NFX1: variants seen among roughly 807,000 people sequenced by gnomAD.
The protein encoded by NFX1 is transcriptional repressor NF-X1.
Under a neutral mutation model 137.2 loss-of-function variants are expected in NFX1, and 69 were observed. The observed-to-expected ratio is 0.50, with a 90% CI of 0.41 to 0.61. The LOEUF is 0.61. Ranked by LOEUF, NFX1 falls within the 20% of genes least tolerant of loss-of-function variation. The probability of loss-of-function intolerance (pLI) is 0.00; values close to 1 mark genes in which losing one functional copy is unlikely to be tolerated. For missense variants in NFX1, 1,167 were observed against 1,391.0 expected, an observed-to-expected ratio of 0.84 and a Z score of 2.56; for synonymous variants, 495 against 474.1, an observed-to-expected ratio of 1.04 and a Z score of -0.57.
intron 7 of NFX1, among the ~76,000 whole-genome samples, chr9:33,316,905 C>G (rs543099388): frequency 2.0e-5 from 3 of 152,220 alleles, no homozygotes; most frequent in African/African-American, 7.2e-5. Context: ...ACCCTTGATT[C>G]TTTTGCTCAC....
intron 9 of NFX1, among the ~76,000 whole-genome samples, chr9:33,321,484 GAGACTGGA>G (rs375996194): frequency 0.069 from 10,554 of 152,196 alleles, 458 homozygotes; most frequent in Non-Finnish European, 0.11. Context: ...TTCAGTATAA[GAGACTGGA>G]TAGAGTTCTA....
intron 2 of NFX1, among the ~76,000 whole-genome samples, chr9:33,300,585 G>A (rs1312961173): frequency 6.6e-6 from 1 of 152,156 alleles, no homozygotes; most frequent in African/African-American, 2.4e-5. Flanking sequence ...GAAAGACTTT[G>A]CTGCAATTGT....
chr9:33,334,670 A>G (rs1363822576), intron 11 of NFX1, among the ~76,000 whole-genome samples: 1 of 152,224 alleles, frequency 6.6e-6, no homozygotes, highest in Non-Finnish European at 1.5e-5. Flanking sequence ...TATACTAAAG[A>G]TACTGTCTGC....
rs1304477108 is a variant in NFX1, at chr9:33,295,252, C to G, written c.858C>G (p.Leu286=). 1.9e-6 allele frequency: 3 copies of G among 1,614,018 alleles called. No homozygotes were observed. The highest frequency in any genetic ancestry group is 2.5e-6 in the Non-Finnish European group (3 of 1,180,016). The change falls in exon 2 of 24, where the codon CTC becomes CTG. Residue 286 remains leucine (L), a synonymous_variant. Transcript: ENST00000379540. Reference sequence around the variant, plus strand: ...TGGGCCCCATTCCAAAGGATGACCTCAATGAAAGACCAGCAAAATCTACCT... The same window carrying G: ...TGGGCCCCATTCCAAAGGATGACCTGAATGAAAGACCAGCAAAATCTACCT... ...NNMGPIPKDD[L]NERPAKSTCD...
intron 6 of NFX1, 30 bp downstream of exon 6, chr9:33,311,207 C>A: frequency 6.3e-7 from 1 of 1,587,194 alleles, no homozygotes; most frequent in Non-Finnish European, 8.7e-7. Flanking sequence ...CTAAAGAAGA[C>A]CTCAGTTTTC....
chr9:33,300,470 A>G (rs1188792762), intron 2 of NFX1, among the ~76,000 whole-genome samples: 1 of 152,218 alleles, frequency 6.6e-6, no homozygotes, highest in Non-Finnish European at 1.5e-5. Context: ...AAAGCAAATA[A>G]CAATAATATT....
intron 2 of NFX1, among the ~76,000 whole-genome samples, chr9:33,299,132 A>G (rs1821461355): frequency 6.6e-6 from 1 of 152,252 alleles, no homozygotes; most frequent in South Asian, 2.1e-4. Context: ...AACTTCCTCT[A>G]ATGTTAACGT....
At chr9:33,317,460 G>A (rs75179301) in intron 7 of NFX1, among the ~76,000 whole-genome samples, 2 of 147,092 alleles carry the variant, frequency 1.4e-5, no homozygotes, top group Admixed American at 1.4e-4. Context: ...AAAAGAAATT[G>A]CACATGCACT....
At chr9:33,329,262 C>T (rs1210294340) in intron 10 of NFX1, among the ~76,000 whole-genome samples, 4 of 152,156 alleles carry the variant, frequency 2.6e-5, no homozygotes, top group Non-Finnish European at 5.9e-5. Context: ...ATATTGCCAA[C>T]CAGGAAAGTT....
chr9:33,302,606 GCCT>G (rs1313841090), intron 3 of NFX1, among the ~76,000 whole-genome samples: 1 of 151,004 alleles, frequency 6.6e-6, no homozygotes, highest in Non-Finnish European at 1.5e-5. Flanking sequence ...TTCTGCATCA[GCCT>G]CCTAAAATGC....
At position 33,313,664 on chromosome 9, in the gene NFX1, C is replaced by T. The variant is rs148815959; in HGVS notation, c.1459C>T (p.Arg487Cys). The T allele has an allele frequency of 2.4e-4, 392 of 1,613,904 alleles. No individual in the cohort carries two copies. Among genetic ancestry groups the T allele is most frequent in the Non-Finnish European group, 8.1e-5 (95 of 1,179,960 alleles). The change falls in exon 7 of 24, where the codon CGC (arginine) becomes TGC (cysteine). Residue 487 changes from arginine to cysteine, a missense_variant. Physicochemically the swap from Arg to Cys is radical, Grantham distance 180 (BLOSUM62 -3). Around this residue, in one of 3 missense-constraint regions of NFX1, gnomAD observed 488 missense variants for 691.5 expected, o/e 0.71. Coordinates refer to ENST00000379540, the MANE Select transcript of NFX1 (RefSeq NM_002504.6). ...CTATTGTCTTTACAGGCACACAGTT[C>T]GCTGTGGTCAGGCTGTCTCAGTCCA... The part of the protein sequence containing the change: ...CECGRTRHTV[R>C]CGQAVSVHCS...
intron 14 of NFX1, among the ~76,000 whole-genome samples, chr9:33,344,852 A>G (rs1823356878): frequency 6.8e-6 from 1 of 147,182 alleles, no homozygotes; most frequent in Admixed American, 6.8e-5. Flanking sequence ...GCGACAGACC[A>G]AGACTCTGTC....
intron 23 of NFX1, among the ~76,000 whole-genome samples, chr9:33,368,193 C>A (rs1224624384): frequency 6.6e-6 from 1 of 152,002 alleles, no homozygotes; most frequent in Non-Finnish European, 1.5e-5. Flanking sequence ...CGAGATCGCA[C>A]CACTGCACTC....
At chr9:33,320,988 G>A (rs929386750) in intron 9 of NFX1, among the ~76,000 whole-genome samples, 1 of 152,120 alleles carries the variant, frequency 6.6e-6, no homozygotes, top group African/African-American at 2.4e-5. Context: ...AGCTGCATTA[G>A]GAAAGCCAGT....
intron 2 of NFX1, among the ~76,000 whole-genome samples, chr9:33,300,334 A>G (rs1285447783): frequency 6.6e-6 from 1 of 152,106 alleles, no homozygotes; most frequent in Admixed American, 6.6e-5. Context: ...AAGTGCTGGT[A>G]TTACAGGTGT....
chr9:33,331,841 C>T (rs890675541), intron 10 of NFX1, among the ~76,000 whole-genome samples: 3 of 152,158 alleles, frequency 2.0e-5, no homozygotes, highest in Non-Finnish European at 2.9e-5. Context: ...CATTCTACCC[C>T]AAGTGACTGA....
At chr9:33,348,030 G>A (rs1823493388) in intron 15 of NFX1, 1 of 152,680 alleles carries the variant, frequency 6.5e-6, no homozygotes, top group African/African-American at 2.4e-5. Context: ...TCTGGGGAAA[G>A]GACGGGAGGC....
At chr9:33,316,847 T>G (rs1214988235) in intron 7 of NFX1, among the ~76,000 whole-genome samples, 1 of 152,204 alleles carries the variant, frequency 6.6e-6, no homozygotes, top group East Asian at 1.9e-4. Flanking sequence ...TAGTATTTAC[T>G]CAGATTTTTT....
intron 6 of NFX1, 105 bp from the exon 7 acceptor site, chr9:33,313,549 A>G (rs1822042893): frequency 1.9e-6 from 2 of 1,042,248 alleles, no homozygotes; most frequent in South Asian, 3.7e-5. Context: ...AGTTAGAGAA[A>G]GGCTTAGTGG....
Sources: gnomAD v4.1 joint callset for allele counts (sites outside exome capture counted in the v4.1 genomes callset) on GRCh38, gnomAD v4.1.1 for gene constraint, gnomAD v4.1.1 regional missense constraint, MANE v1.5 for transcripts, NCBI Gene and HGNC (gene_info 2026-07-23, HGNC 2026-07-21) for gene names.